Variants in CORO2B observed in about 807,000 individuals in gnomAD.
CORO2B encodes the protein coronin-2B.
A neutral mutation model predicts 58.8 loss-of-function variants in CORO2B; 26 were observed. The observed-to-expected ratio is 0.44, with a 90% CI of 0.32 to 0.61. The LOEUF is 0.61. Among genes scored for constraint, CORO2B ranks in the 20% least tolerant of loss-of-function variants. The probability of loss-of-function intolerance (pLI) is 0.04; values close to 1 mark genes in which losing one functional copy is unlikely to be tolerated. For synonymous variants in CORO2B, 242 were observed against 253.8 expected, an observed-to-expected ratio of 0.95 and a Z score of 0.44; for missense variants, 460 against 645.1, an observed-to-expected ratio of 0.71 and a Z score of 3.11.
chr15:68,725,874 A>T lies in CORO2B; in HGVS notation c.1343A>T (p.Glu448Val). Residue 448 changes from glutamate to valine, a missense_variant, in exon 12 of 12, where the codon GAG becomes GTG. Physicochemically the swap from Glu to Val is moderately radical, Grantham distance 121 (BLOSUM62 -2). Coordinates refer to ENST00000261861, the MANE Select transcript of CORO2B (RefSeq NM_006091.5). ...CGAATGTTCTTCCGGCAGCAGGATGAGATTCGACGGTTGAAAGAGGAGCTG... is the reference window on the plus strand; with the variant it reads ...CGAATGTTCTTCCGGCAGCAGGATGTGATTCGACGGTTGAAAGAGGAGCTG... Reference protein sequence around the residue: ...LLRMFFRQQDEIRRLKEELAQ... With the variant: ...LLRMFFRQQDVIRRLKEELAQ... 3.1e-6 allele frequency: 5 copies of T among 1,613,936 alleles called. No homozygotes were observed. Among genetic ancestry groups the T allele is most frequent in the Non-Finnish European group, 4.2e-6 (5 of 1,179,998 alleles).
chr15:68,718,475 C>T (rs778385898), intron 8 of CORO2B, among the ~76,000 whole-genome samples: 2 of 152,178 alleles, frequency 1.3e-5, no homozygotes, highest in African/African-American at 2.4e-5. Flanking sequence ...CTAAAGCACG[C>T]ACTGTGGTGA....
At chr15:68,701,352 C>T (rs1892640105) in intron 3 of CORO2B, among the ~76,000 whole-genome samples, 1 of 151,932 alleles carries the variant, frequency 6.6e-6, no homozygotes, top group Admixed American at 6.6e-5. Context: ...CGCTCTGTCG[C>T]CCAGTCTGGA....
At chr15:68,715,121 A>C (rs766501902) in intron 7 of CORO2B, 94 bp from the exon 8 acceptor site, 4 of 1,110,210 alleles carry the variant, frequency 3.6e-6, no homozygotes, top group Non-Finnish European at 5.5e-6. Flanking sequence ...CATGAGGCAC[A>C]GGGGAGAGCT....
intron 1 of CORO2B, among the ~76,000 whole-genome samples, chr15:68,640,311 A>C (rs1227213345): frequency 1.3e-5 from 2 of 152,190 alleles, no homozygotes; most frequent in East Asian, 3.9e-4. Context: ...CTCCTTTCGC[A>C]TGCTTTACCA....
At chr15:68,599,887 G>A (rs767736530) in intron 1 of CORO2B, among the ~76,000 whole-genome samples, 3 of 152,202 alleles carry the variant, frequency 2.0e-5, no homozygotes, top group Non-Finnish European at 2.9e-5. Flanking sequence ...TGGGCCTGGG[G>A]TCTCCATGGC....
chr15:68,642,835 G>C (rs929665076), intron 1 of CORO2B, among the ~76,000 whole-genome samples: 17 of 152,206 alleles, frequency 1.1e-4, no homozygotes, highest in Admixed American at 2.0e-4. Context: ...TGGCTGCACA[G>C]AGAAGACATT....
At chr15:68,676,932 T>G (rs950690251) in intron 2 of CORO2B, among the ~76,000 whole-genome samples, 4 of 152,020 alleles carry the variant, frequency 2.6e-5, no homozygotes, top group Admixed American at 2.0e-4. Flanking sequence ...CCACCATGCC[T>G]GGCTAATTTT....
At chr15:68,723,116 CTTTTTTTTTT>C (rs767517372) in intron 11 of CORO2B, among the ~76,000 whole-genome samples, 51 of 91,476 alleles carry the variant, frequency 5.6e-4, no homozygotes, top group Admixed American at 9.5e-4. Context: ...TACATACATT[CTTTTTTTTTT>C]TTTTTTTTTT....
intron 2 of CORO2B, among the ~76,000 whole-genome samples, chr15:68,687,518 G>T (rs1251095576): frequency 6.6e-6 from 1 of 152,200 alleles, no homozygotes; most frequent in East Asian, 1.9e-4. Flanking sequence ...GACTCACCAT[G>T]CCGCCAGCCT....
intron 1 of CORO2B, among the ~76,000 whole-genome samples, chr15:68,582,068 G>A (rs1040804786): frequency 1.3e-5 from 2 of 152,160 alleles, no homozygotes; most frequent in Non-Finnish European, 2.9e-5. Flanking sequence ...CTTCTGTAGA[G>A]GAGGTGAGCC....
chr15:68,692,543 C>G (rs1325277791), intron 2 of CORO2B, among the ~76,000 whole-genome samples: 2 of 151,560 alleles, frequency 1.3e-5, no homozygotes, highest in Non-Finnish European at 2.9e-5. Context: ...CAAGATCACA[C>G]CACTACACTC....
At chr15:68,691,744 T>A (rs1402778524) in intron 2 of CORO2B, among the ~76,000 whole-genome samples, 1 of 151,412 alleles carries the variant, frequency 6.6e-6, no homozygotes, top group Non-Finnish European at 1.5e-5. Context: ...CTCTGGCCAC[T>A]CCTTCTTCTA....
intron 3 of CORO2B, among the ~76,000 whole-genome samples, chr15:68,707,637 C>T (rs532147784): frequency 1.3e-5 from 2 of 152,268 alleles, no homozygotes; most frequent in African/African-American, 4.8e-5. Flanking sequence ...TGAAAAAGAA[C>T]ATGTGTAATA....
At chr15:68,627,995 G>A (rs1900730244) in intron 1 of CORO2B, among the ~76,000 whole-genome samples, 1 of 152,078 alleles carries the variant, frequency 6.6e-6, no homozygotes, top group Non-Finnish European at 1.5e-5. Context: ...TGGAAACACA[G>A]CCTTCCATAA....
intron 2 of CORO2B, among the ~76,000 whole-genome samples, chr15:68,691,623 T>TAA (rs1391748057): frequency 0.011 from 3 of 266 alleles, 1 homozygote; most frequent in African/African-American, 0.022. Flanking sequence ...AGACTCCGTC[T>TAA]CAAAAAAAAA....
At chr15:68,613,927 A>T (rs1900296022) in intron 1 of CORO2B, among the ~76,000 whole-genome samples, 1 of 152,118 alleles carries the variant, frequency 6.6e-6, no homozygotes, top group Admixed American at 6.5e-5. Context: ...TAGCTTCCTT[A>T]TTATAGATTT....
intron 1 of CORO2B, among the ~76,000 whole-genome samples, chr15:68,628,818 C>G (rs1240406741): frequency 1.3e-5 from 2 of 152,178 alleles, no homozygotes; most frequent in Non-Finnish European, 2.9e-5. Flanking sequence ...CCATTCATTC[C>G]CTGAGGCTAA....
chr15:68,536,191 T>C, the CORO2B span, among the ~76,000 whole-genome samples: 7 of 152,218 alleles, frequency 4.6e-5, no homozygotes, highest in Admixed American at 1.3e-4. Context: ...TCTGGAAGCC[T>C]AGTCTACAAG....
chr15:68,531,500 A>AAAGGAAGGAAGG, the CORO2B span, among the ~76,000 whole-genome samples: 7 of 113,784 alleles, frequency 6.2e-5, no homozygotes, highest in African/African-American at 1.8e-4. Flanking sequence ...GTATCTCAAA[A>AAAGGAAGGAAGG]AAGGAAGGAA....
Sources: gnomAD v4.1 joint callset for allele counts (sites outside exome capture counted in the v4.1 genomes callset) on GRCh38, gnomAD v4.1.1 for gene constraint, MANE v1.5 for transcripts, NCBI Gene and HGNC (gene_info 2026-07-23, HGNC 2026-07-21) for gene names.